Variants in RORA observed in about 807,000 individuals in gnomAD.
The protein encoded by RORA is nuclear receptor ROR-alpha.
Under a neutral mutation model 69.5 loss-of-function variants are expected in RORA, and 7 were observed. That is an observed-to-expected ratio of 0.10 (90% CI 0.06 to 0.19). The LOEUF (loss-of-function observed/expected upper bound fraction) is 0.19. Ranked by LOEUF, RORA falls within the 10% of genes least tolerant of loss-of-function variation. The pLI is 1.00. For synonymous variants in RORA, 261 were observed against 240.8 expected (o/e 1.08, Z -0.78); for missense variants, 457 against 663.0 (o/e 0.69, Z 3.41).
At chr15:60,841,173 GA>G in intron 1 of RORA, 1 of 682,302 alleles carries the variant, frequency 1.5e-6, no homozygotes, top group Non-Finnish European at 1.8e-6. Flanking sequence ...ACACAGCTTG[GA>G]GAAAGAACAC....
At chr15:60,655,082 A>T (rs545205980) in intron 2 of RORA, among the ~76,000 whole-genome samples, 44 of 152,314 alleles carry the variant, frequency 2.9e-4, no homozygotes, top group Non-Finnish European at 4.0e-4. Flanking sequence ...ATGGACTCGT[A>T]AAGTAATATT....
chr15:60,993,555 A>G (rs972904935), intron 1 of RORA, among the ~76,000 whole-genome samples: 1 of 143,818 alleles, frequency 7.0e-6, no homozygotes, highest in African/African-American at 2.6e-5. Flanking sequence ...AGGCAGGAGA[A>G]TTGCTTGAAC....
intron 2 of RORA, among the ~76,000 whole-genome samples, chr15:60,627,922 G>T (rs1434161739): frequency 6.6e-6 from 1 of 152,018 alleles, no homozygotes; most frequent in Non-Finnish European, 1.5e-5. Flanking sequence ...TCCTCTCCTG[G>T]AGTATAAGCT....
intron 2 of RORA, among the ~76,000 whole-genome samples, chr15:60,563,130 A>C (rs2067624678): frequency 6.6e-6 from 1 of 152,214 alleles, no homozygotes; most frequent in Non-Finnish European, 1.5e-5. Flanking sequence ...GAGTCAGTCT[A>C]CCAAAGTAAA....
At chr15:60,702,231 C>CT (rs546014726) in intron 1 of RORA, among the ~76,000 whole-genome samples, 1,735 of 152,128 alleles carry the variant, frequency 0.011, 29 homozygotes, top group African/African-American at 0.032. Context: ...CTTCAATGAT[C>CT]TTTTCTTTTT....
intron 1 of RORA, among the ~76,000 whole-genome samples, chr15:60,919,092 C>G (rs1464540355): frequency 1.3e-5 from 2 of 152,134 alleles, no homozygotes; most frequent in Non-Finnish European, 2.9e-5. Flanking sequence ...CACCCTGCCC[C>G]CAAATACAAA....
chr15:60,773,023 T>C (rs1330426273), intron 1 of RORA, among the ~76,000 whole-genome samples: 1 of 152,226 alleles, frequency 6.6e-6, no homozygotes, highest in East Asian at 1.9e-4. Context: ...GAGTTGCAAG[T>C]TCCATTTAGC....
intron 1 of RORA, among the ~76,000 whole-genome samples, chr15:61,154,818 T>C (rs1234956873): frequency 6.6e-6 from 1 of 151,966 alleles, no homozygotes; most frequent in Non-Finnish European, 1.5e-5. Context: ...TGGCAAAAAA[T>C]ACACACTGAC....
In RORA at chr15:60,505,516, G is replaced by T; in HGVS notation, c.934C>A (p.Gln312Lys). ...AATTCCTCAGATCATACCTTGTTTT[G>T]ATAGTTCTCAATTTCTTCCTGTAAA... is the stretch of plus-strand genomic sequence containing the variant. The part of the protein sequence containing the change: ...TFLQEEIENY[Q>K]NKQREVMWQL... The change falls in exon 6 of 11, where the codon CAA (glutamine) becomes AAA (lysine). Residue 312 changes from glutamine (Q) to lysine (K), a missense_variant. Transcript: ENST00000335670. The T allele has an allele frequency of 5.0e-6, 8 of 1,613,828 alleles. No individual in the cohort carries two copies. Among genetic ancestry groups the T allele is most frequent in the African/African-American group, 1.3e-5 (1 of 74,986 alleles).
In RORA at chr15:60,491,709, C is replaced by T. The variant is rs1357205322; in HGVS notation, c.*5746G>A. The T allele has an allele frequency of 2.0e-5, 3 of 151,768 alleles. No homozygotes were observed. Among genetic ancestry groups the T allele is most frequent in the Admixed American group, 6.6e-5 (1 of 15,212 alleles). The allele number at this position is 151,768 out of a possible 1,614,324, so 9.4% of individuals were successfully genotyped here. A position where few individuals can be genotyped will look rare whatever the true frequency, so the allele number is the denominator to read the frequency against. ...GAGAGCCTGACAACACTGATCTCACCTACACAAACAGACAGACAGACCCAG... is the reference window on the plus strand; with the variant it reads ...GAGAGCCTGACAACACTGATCTCACTTACACAAACAGACAGACAGACCCAG... On this transcript the variant is annotated 3_prime_UTR_variant, in exon 11 of 11. Coordinates refer to ENST00000335670, the MANE Select transcript of RORA (RefSeq NM_134261.3).
intron 2 of RORA, among the ~76,000 whole-genome samples, chr15:60,673,254 A>T (rs2070501432): frequency 6.6e-6 from 1 of 152,236 alleles, no homozygotes; most frequent in African/African-American, 2.4e-5. Flanking sequence ...GGTCCTCGCC[A>T]TGAACTGTGG....
At chr15:61,150,941 CT>C (rs1567012614) in intron 1 of RORA, among the ~76,000 whole-genome samples, 1 of 152,138 alleles carries the variant, frequency 6.6e-6, no homozygotes. Context: ...ATCTGCAGAG[CT>C]TTTAAATTAT....
chr15:60,592,267 G>T, intron 2 of RORA: 1 of 644,808 alleles, frequency 1.6e-6, no homozygotes. Flanking sequence ...GGGCCCCCGC[G>T]CCGAGCCCCG....
At chr15:60,875,913 C>A (rs1002400599) in intron 1 of RORA, among the ~76,000 whole-genome samples, 1 of 152,156 alleles carries the variant, frequency 6.6e-6, no homozygotes, top group Non-Finnish European at 1.5e-5. Context: ...GTGGACCACC[C>A]AAGGAGCCCT....
chr15:61,017,337 A>G (rs1264962562), intron 1 of RORA, among the ~76,000 whole-genome samples: 1 of 152,202 alleles, frequency 6.6e-6, no homozygotes, highest in African/African-American at 2.4e-5. Flanking sequence ...AGCATGGCTA[A>G]CTTTTTTATG....
At chr15:60,768,571 C>T (rs949306479) in intron 1 of RORA, among the ~76,000 whole-genome samples, 1 of 152,162 alleles carries the variant, frequency 6.6e-6, no homozygotes, top group African/African-American at 2.4e-5. Context: ...ATAATTGCCT[C>T]TACAGCTAAG....
intron 1 of RORA, among the ~76,000 whole-genome samples, chr15:60,879,802 T>A (rs1385795304): frequency 6.6e-6 from 1 of 152,196 alleles, no homozygotes; most frequent in Non-Finnish European, 1.5e-5. Context: ...TTTTAAATGT[T>A]ACTTAGCAGA....
intron 1 of RORA, among the ~76,000 whole-genome samples, chr15:60,770,930 A>T (rs1393381753): frequency 1.3e-5 from 2 of 152,230 alleles, no homozygotes; most frequent in African/African-American, 4.8e-5. Context: ...GTACATTTGA[A>T]TTTCAGATAA....
intron 1 of RORA, among the ~76,000 whole-genome samples, chr15:60,886,798 C>A (rs1018112352): frequency 6.6e-6 from 1 of 152,214 alleles, no homozygotes; most frequent in African/African-American, 2.4e-5. Context: ...TTTATAGTTA[C>A]AACTTCTTCC....
Sources: allele counts gnomAD v4.1 joint callset (sites outside exome capture counted in the v4.1 genomes callset), GRCh38; gene constraint gnomAD v4.1.1; transcripts MANE v1.5; gene names NCBI Gene and HGNC (gene_info 2026-07-23, HGNC 2026-07-21).